ME1: variants seen among roughly 807,000 people sequenced by gnomAD.
ME1 encodes the protein NADP-dependent malic enzyme.
A neutral mutation model predicts 66.4 loss-of-function variants in ME1; 74 were observed. The ratio of observed to expected loss-of-function variants is 1.11; its 90% confidence interval spans 0.92 to 1.35. The LOEUF is 1.35. ME1 is among the 40% of genes most tolerant of loss of function. ME1 has a pLI of 0.00. For missense variants in ME1, 750 were observed against 694.1 expected, an observed-to-expected ratio of 1.08 and a Z score of -0.90; for synonymous variants, 251 against 235.6, an observed-to-expected ratio of 1.07 and a Z score of -0.60.
At chr6:83,411,840 C>CT (rs1491420063) in intron 1 of ME1, among the ~76,000 whole-genome samples, 1 of 152,094 alleles carries the variant, frequency 6.6e-6, no homozygotes, top group East Asian at 1.9e-4. Context: ...GGTTTTTCTC[C>CT]TTTTTTGTCT....
intron 6 of ME1, among the ~76,000 whole-genome samples, chr6:83,279,034 T>C (rs549793112): frequency 9.2e-5 from 14 of 152,212 alleles, no homozygotes; most frequent in Non-Finnish European, 1.5e-4. Context: ...AACAGGGCTC[T>C]GGTATAATAA....
At chr6:83,263,943 AT>A (rs1170460662) in intron 6 of ME1, among the ~76,000 whole-genome samples, 1 of 152,188 alleles carries the variant, frequency 6.6e-6, no homozygotes, top group African/African-American at 2.4e-5. Flanking sequence ...TAAAGACCAG[AT>A]TTAAAATGGA....
chr6:83,274,572 G>C (rs903025239), intron 6 of ME1, among the ~76,000 whole-genome samples: 3 of 152,098 alleles, frequency 2.0e-5, no homozygotes, highest in Admixed American at 1.3e-4. Flanking sequence ...ATATAAGTGA[G>C]AATCTTTGTA....
intron 7 of ME1, among the ~76,000 whole-genome samples, chr6:83,246,351 A>C (rs912067081): frequency 3.3e-5 from 5 of 152,156 alleles, no homozygotes; most frequent in African/African-American, 1.2e-4. Flanking sequence ...AAGACAAAAA[A>C]AGTCACCTGT....
chr6:83,372,875 C>T (rs890246710), intron 3 of ME1, among the ~76,000 whole-genome samples: 1 of 152,110 alleles, frequency 6.6e-6, no homozygotes, highest in African/African-American at 2.4e-5. Context: ...GCATACATTT[C>T]CAGCTATTCA....
intron 2 of ME1, among the ~76,000 whole-genome samples, chr6:83,403,563 G>A (rs1416338496): frequency 6.6e-6 from 1 of 152,054 alleles, no homozygotes; most frequent in Non-Finnish European, 1.5e-5. Flanking sequence ...GTATACATGT[G>A]CCATGGTGGT....
chr6:83,249,538 T>C (rs949034465), intron 7 of ME1, among the ~76,000 whole-genome samples: 3 of 152,216 alleles, frequency 2.0e-5, no homozygotes, highest in African/African-American at 7.2e-5. Flanking sequence ...AAATTATTAT[T>C]TATAAAGTAC....
chr6:83,300,705 C>A (rs1485914562), intron 6 of ME1, among the ~76,000 whole-genome samples: 1 of 135,726 alleles, frequency 7.4e-6, no homozygotes, highest in African/African-American at 2.8e-5. Flanking sequence ...GGGTACATAT[C>A]CAAAGGATTG....
At chr6:83,261,179 T>C (rs932056856) in intron 6 of ME1, among the ~76,000 whole-genome samples, 4 of 152,198 alleles carry the variant, frequency 2.6e-5, no homozygotes, top group African/African-American at 9.6e-5. Flanking sequence ...GGTATCTCAT[T>C]ATGGTTTAGA....
chr6:83,392,492 G>A, intron 3 of ME1: 1 of 520,452 alleles, frequency 1.9e-6, no homozygotes, highest in East Asian at 5.1e-5. Flanking sequence ...TTAAACTCTG[G>A]TTAAGTCGAT....
In ME1 at chr6:83,346,166, T is replaced by G. The variant is rs1389115558; in HGVS notation, c.600+7A>C. ...ACATAGCTGCCTTATAGACGTAAAT[T>G]ATTTACCTCATTTTCGGTTCCCACA... On this transcript the variant is annotated splice_region_variant and intron_variant, in intron 5 of 13. Transcript: ENST00000369705. 1 of 1,597,316 alleles carries G rather than the reference T, an allele frequency of 6.3e-7. No homozygotes were observed. The highest frequency in any genetic ancestry group is 8.5e-7 in the Non-Finnish European group (1 of 1,170,194).
intron 3 of ME1, among the ~76,000 whole-genome samples, chr6:83,370,569 C>T (rs370640159): frequency 5.9e-5 from 9 of 152,216 alleles, no homozygotes; most frequent in African/African-American, 2.2e-4. Flanking sequence ...AAATATCCAT[C>T]CTACTCATCC....
chr6:83,213,637 G>A (rs1180244), intron 13 of ME1, among the ~76,000 whole-genome samples: 34,345 of 151,876 alleles, frequency 0.23, 4,234 homozygotes, highest in Middle Eastern at 0.37. Flanking sequence ...GAAGTGCTGG[G>A]ATTACAGGTG....
intron 2 of ME1, among the ~76,000 whole-genome samples, chr6:83,402,835 T>C (rs1217624671): frequency 1.3e-5 from 2 of 152,048 alleles, no homozygotes; most frequent in Non-Finnish European, 2.9e-5. Context: ...GATTGGGTCA[T>C]GGAAAAAGGT....
intron 6 of ME1, among the ~76,000 whole-genome samples, chr6:83,305,550 A>C (rs1767808568): frequency 6.6e-6 from 1 of 151,280 alleles, no homozygotes; most frequent in South Asian, 2.1e-4. Context: ...AGCAAGTGAA[A>C]ATATTCTAAG....
intron 12 of ME1, among the ~76,000 whole-genome samples, chr6:83,221,016 G>A (rs1790082271): frequency 6.6e-6 from 1 of 152,066 alleles, no homozygotes; most frequent in Non-Finnish European, 1.5e-5. Context: ...AAAATTAGCT[G>A]GGCGTATTGG....
At chr6:83,273,085 A>G (rs1162080867) in intron 6 of ME1, among the ~76,000 whole-genome samples, 8 of 151,226 alleles carry the variant, frequency 5.3e-5, no homozygotes, top group African/African-American at 1.9e-4. Flanking sequence ...GCTGAGGCAG[A>G]AGAATTGCTT....
intron 3 of ME1, among the ~76,000 whole-genome samples, chr6:83,373,913 T>A (rs1218334550): frequency 6.6e-6 from 1 of 152,228 alleles, no homozygotes; most frequent in Non-Finnish European, 1.5e-5. Context: ...TCCAGCTTCA[T>A]CCATGTCCCT....
Position 83,227,438 on chromosome 6 carries a change from A to T in ME1, c.1172T>A (p.Leu391His), listed in dbSNP as rs1238486532. The T allele has an allele frequency of 6.2e-7, 1 of 1,603,606 alleles. No individual in the cohort carries two copies. Among genetic ancestry groups the T allele is most frequent in the Non-Finnish European group, 8.5e-7 (1 of 1,173,414 alleles). Residue 391 changes from leucine (L) to histidine (H), a missense_variant, in exon 11 of 14, where the codon CTC becomes CAC. Leu to His is a moderately conservative substitution (Grantham distance 99, BLOSUM62 -3). Coordinates refer to ENST00000369705, the MANE Select transcript of ME1 (RefSeq NM_002395.6). ...AIGGAFSEQI[L>H]KDMAAFNERP... ...TTCATTGAAGGCAGCCATATCTTTG[A>T]GAATTTGTTCTGAGAATGCACCACC... is the stretch of plus-strand genomic sequence containing the variant.
Sources: allele counts gnomAD v4.1 joint callset (sites outside exome capture counted in the v4.1 genomes callset), GRCh38; gene constraint gnomAD v4.1.1; transcripts MANE v1.5; gene names NCBI Gene and HGNC (gene_info 2026-07-23, HGNC 2026-07-21).